IL33: variants seen among roughly 807,000 people sequenced by gnomAD.
IL33 encodes the protein interleukin 33, also known as interleukin-33.
Under a neutral mutation model 27.3 loss-of-function variants are expected in IL33, and 37 were observed. That is an observed-to-expected ratio of 1.36 (90% CI 1.04 to 1.78). IL33 has a LOEUF of 1.78. IL33 is among the 40% of genes most tolerant of loss of function. The pLI, the probability that IL33 is intolerant of heterozygous loss-of-function variation, is 0.00. For synonymous variants in IL33, 132 were observed against 102.9 expected, an observed-to-expected ratio of 1.28 and a Z score of -1.71; for missense variants, 406 against 311.4, an observed-to-expected ratio of 1.30 and a Z score of -2.29.
At chr9:6,243,544 G>A (rs918464081) in intron 2 of IL33, among the ~76,000 whole-genome samples, 3 of 152,030 alleles carry the variant, frequency 2.0e-5, no homozygotes, top group Admixed American at 6.6e-5. Flanking sequence ...TAGTAGAGAT[G>A]GGGTTTCACC....
chr9:6,251,540 A>C (rs1052676931), intron 4 of IL33, among the ~76,000 whole-genome samples: 4 of 152,146 alleles, frequency 2.6e-5, no homozygotes, highest in African/African-American at 9.7e-5. Flanking sequence ...TTTTGGTGAA[A>C]ATATGTTATC....
chr9:6,254,210 A>T (rs1198923327), intron 6 of IL33, among the ~76,000 whole-genome samples: 3 of 152,320 alleles, frequency 2.0e-5, no homozygotes, highest in South Asian at 2.1e-4. Flanking sequence ...TGATGCCCCG[A>T]GAAGTAACCA....
chr9:6,249,721 C>T (rs555877663), intron 2 of IL33, among the ~76,000 whole-genome samples: 1 of 152,220 alleles, frequency 6.6e-6, no homozygotes, highest in East Asian at 1.9e-4. Flanking sequence ...AACTTCTCGC[C>T]AGCTCTGTAA....
rs1816804373 is a variant in IL33, at chr9:6,257,496, G to C, written c.*1328G>C. 6.6e-6 allele frequency: 1 copy of C among 152,398 alleles called. No individual in the cohort carries two copies. Among genetic ancestry groups the C allele is most frequent in the Admixed American group, 6.6e-5 (1 of 15,242 alleles). The allele number at this position is 152,398 out of a possible 1,614,324, so 9.4% of individuals were successfully genotyped here. A position where few individuals can be genotyped will look rare whatever the true frequency, so the allele number is the denominator to read the frequency against. ...TTGCTAAACGTTTTTGTTTTTTACT[G>C]TCACTAGGGCAATAAAATTTATACT... On this transcript the variant is annotated 3_prime_UTR_variant, in exon 8 of 8. Coordinates refer to ENST00000682010, the MANE Select transcript of IL33 (RefSeq NM_033439.4).
At chr9:6,250,776 T>C (rs1816305325) in intron 3 of IL33, among the ~76,000 whole-genome samples, 177 bp downstream of exon 3, 1 of 152,192 alleles carries the variant, frequency 6.6e-6, no homozygotes, top group South Asian at 2.1e-4. Context: ...TTCAATAGCA[T>C]GAGAGAAATG....
chr9:6,253,683 C>A, intron 6 of IL33, 81 bp downstream of exon 6: 1 of 1,115,238 alleles, frequency 9.0e-7, no homozygotes, highest in Non-Finnish European at 1.3e-6. Flanking sequence ...TCCTTTTTGC[C>A]CCATAGGAAA....
chr9:6,235,695 T>A lies in IL33; in HGVS notation c.-11-5989T>A, dbSNP rs530221571. ...ATTTATAGAAATTAACAATACACATTTTTTAAAAGATGCTCAATCTCATGA... is the reference window on the plus strand; with the variant it reads ...ATTTATAGAAATTAACAATACACATATTTTAAAAGATGCTCAATCTCATGA... On this transcript the variant is annotated intron_variant, in intron 1 of 7. Transcript: ENST00000682010. Among the ~76,000 whole-genome samples the A allele has an allele frequency of 2.6e-5, 4 of 152,242 alleles. No individual in the cohort carries two copies. The East Asian group carries it at 7.7e-4, about 29-fold the overall frequency.
At chr9:6,221,886 G>A (rs141075862) in intron 1 of IL33, among the ~76,000 whole-genome samples, 9 of 152,318 alleles carry the variant, frequency 5.9e-5, no homozygotes, top group Middle Eastern at 3.4e-3. Flanking sequence ...GAAGAGAGGT[G>A]TTTAACAGAG....
intron 1 of IL33, among the ~76,000 whole-genome samples, chr9:6,230,295 G>T (rs2130184368): frequency 6.6e-6 from 1 of 152,206 alleles, no homozygotes; most frequent in Non-Finnish European, 1.5e-5. Flanking sequence ...GATCTACTAG[G>T]TATCTTTATA....
Position 6,250,555 on chromosome 9 carries a change from G to C in IL33, c.173G>C (p.Cys58Ser). The change falls in exon 3 of 8, where the codon TGT becomes TCT. Residue 58 changes from cysteine (C) to serine (S), a missense_variant. By Grantham distance (112) the Cys-to-Ser change is moderately radical. Coordinates refer to ENST00000682010, the MANE Select transcript of IL33 (RefSeq NM_033439.4). ...GGCCTTATGATAAAAAAGGAGGCCT[G>C]TTACTTTAGGAGAGAAACCACCAAA... ...RSGLMIKKEA[C>S]YFRRETTKRP... 6.2e-7 allele frequency: 1 copy of C among 1,613,978 alleles called. No homozygotes were observed. Among genetic ancestry groups the C allele is most frequent in the Non-Finnish European group, 8.5e-7 (1 of 1,179,922 alleles).
intron 1 of IL33, among the ~76,000 whole-genome samples, chr9:6,217,424 T>C (rs1040923224): frequency 6.6e-6 from 1 of 152,114 alleles, no homozygotes; most frequent in Non-Finnish European, 1.5e-5. Flanking sequence ...ATACCCTAAA[T>C]TTCTCCCAAA....
At chr9:6,250,424 G>C (rs762146808) in intron 2 of IL33, 50 bp from the exon 3 acceptor site, 2 of 1,597,576 alleles carry the variant, frequency 1.3e-6, no homozygotes, top group Non-Finnish European at 1.7e-6. Context: ...TTTGTAGAAG[G>C]ATAAAGATGA....
chr9:6,237,506 T>A (rs552428340), intron 1 of IL33, among the ~76,000 whole-genome samples: 3 of 152,344 alleles, frequency 2.0e-5, no homozygotes, highest in South Asian at 4.1e-4. Context: ...AATACTGGTT[T>A]ACAGCAAAGT....
At chr9:6,242,538 G>A (rs957698052) in intron 2 of IL33, 9 of 152,168 alleles carry the variant, frequency 5.9e-5, no homozygotes, top group Admixed American at 5.2e-4. Flanking sequence ...TTCAAGAAGT[G>A]TTCAAGAATG....
chr9:6,256,112 G>T lies in IL33; in HGVS notation c.757G>T (p.Asp253Tyr). 6.2e-7 allele frequency: 1 copy of T among 1,613,382 alleles called. No individual in the cohort carries two copies. Among genetic ancestry groups the T allele is most frequent in the South Asian group, 1.1e-5 (1 of 91,026 alleles). ...TAATCATCTTGCTCTGATTAAAGTA[G>T]ACTCTTCTGAGAATTTGTGTACTGA... is the stretch of plus-strand genomic sequence containing the variant. The part of the protein sequence containing the change: ...KDNHLALIKV[D>Y]SSENLCTENI... The change falls in exon 8 of 8, where the codon GAC (aspartate) becomes TAC (tyrosine). Residue 253 changes from aspartate to tyrosine, a missense_variant. Transcript: ENST00000682010.
At chr9:6,235,199 T>C (rs1331292015) in intron 1 of IL33, among the ~76,000 whole-genome samples, 1 of 152,048 alleles carries the variant, frequency 6.6e-6, no homozygotes, top group Non-Finnish European at 1.5e-5. Context: ...CACCACCCAG[T>C]CCAGCTAATT....
chr9:6,255,855 T>G, intron 7 of IL33, 113 bp from the exon 8 acceptor site: 2 of 824,298 alleles, frequency 2.4e-6, no homozygotes, highest in Non-Finnish European at 4.0e-6. Flanking sequence ...GCAAGCTTGC[T>G]AGAAATATCA....
At position 6,253,537 on chromosome 9, in the gene IL33, T is replaced by A; in HGVS notation, c.470-15T>A. On this transcript the variant is annotated splice_polypyrimidine_tract_variant and intron_variant, in intron 5 of 7. Coordinates refer to ENST00000682010, the MANE Select transcript of IL33 (RefSeq NM_033439.4). Reference sequence around the variant, plus strand: ...ATTGTGTCTCACCAGAGGGATTTTATGCATTCTCTTTCAGATAAGGTGTTA... The same window carrying A: ...ATTGTGTCTCACCAGAGGGATTTTAAGCATTCTCTTTCAGATAAGGTGTTA... 6.3e-7 allele frequency: 1 copy of A among 1,589,410 alleles called. No homozygotes were observed. Among genetic ancestry groups the A allele is most frequent in the East Asian group, 2.2e-5 (1 of 44,580 alleles).
chr9:6,230,925 G>A (rs1211203669), intron 1 of IL33, among the ~76,000 whole-genome samples: 1 of 152,134 alleles, frequency 6.6e-6, no homozygotes, highest in African/African-American at 2.4e-5. Flanking sequence ...CGTTTTGCAA[G>A]AGCCACTATT....
Sources: allele counts gnomAD v4.1 joint callset (sites outside exome capture counted in the v4.1 genomes callset), GRCh38; gene constraint gnomAD v4.1.1; transcripts MANE v1.5; gene names NCBI Gene and HGNC (gene_info 2026-07-23, HGNC 2026-07-21).